TNIP3: variants seen among roughly 807,000 people sequenced by gnomAD.
TNIP3 encodes TNFAIP3 interacting protein 3, also known as TNFAIP3-interacting protein 3.
A neutral mutation model predicts 54.1 loss-of-function variants in TNIP3; 34 were observed. That is an observed-to-expected ratio of 0.63 (90% CI 0.48 to 0.84). The LOEUF (loss-of-function observed/expected upper bound fraction) is 0.84, where lower values mean the gene tolerates loss of function less well. TNIP3 is among the 40% of genes least tolerant of loss of function. TNIP3 has a pLI of 0.00. For synonymous variants in TNIP3, 134 were observed against 136.8 expected, an observed-to-expected ratio of 0.98 and a Z score of 0.14; for missense variants, 366 against 387.6, an observed-to-expected ratio of 0.94 and a Z score of 0.47.
At chr4:121,168,602 C>A (rs1028909918), upstream of TNIP3, among the ~76,000 whole-genome samples, 2 of 150,586 alleles carry the variant, frequency 1.3e-5, no homozygotes, top group African/African-American at 4.9e-5. Flanking sequence ...CTCATTGTAA[C>A]CTCCAACTCC....
intron 4 of TNIP3, among the ~76,000 whole-genome samples, chr4:121,155,965 A>G (rs1730059639): frequency 6.6e-6 from 1 of 152,246 alleles, no homozygotes; most frequent in African/African-American, 2.4e-5. Context: ...TTTCTAATTT[A>G]GCATAATTTA....
At chr4:121,150,082 A>G in intron 6 of TNIP3, 21 bp downstream of exon 6, 2 of 1,525,108 alleles carry the variant, frequency 1.3e-6, no homozygotes, top group South Asian at 1.1e-5. Context: ...CCACAGGATC[A>G]TGCCACTTCC....
At chr4:121,202,723 A>C (rs1257291637) in intron 2 of TNIP3, among the ~76,000 whole-genome samples, 1 of 152,198 alleles carries the variant, frequency 6.6e-6, no homozygotes, top group African/African-American at 2.4e-5. Context: ...AACTCAAAGA[A>C]ATCAGCAAGA....
chr4:121,152,623 A>G (rs1729828400), intron 5 of TNIP3, among the ~76,000 whole-genome samples: 1 of 152,218 alleles, frequency 6.6e-6, no homozygotes, highest in African/African-American at 2.4e-5. Flanking sequence ...TGTTCTAAGT[A>G]TTCAAGATAA....
chr4:121,218,302 A>G (rs1726886439), upstream of TNIP3, among the ~76,000 whole-genome samples: 1 of 152,170 alleles, frequency 6.6e-6, no homozygotes, highest in Non-Finnish European at 1.5e-5. Context: ...AGATTTACAA[A>G]TAATATCTTA....
intron 10 of TNIP3, among the ~76,000 whole-genome samples, chr4:121,137,010 C>T (rs926834426): frequency 3.3e-5 from 5 of 152,088 alleles, no homozygotes; most frequent in African/African-American, 1.2e-4. Context: ...AAGTCTCATA[C>T]ACTGACTACA....
chr4:121,156,599 G>A (rs1033586910), intron 4 of TNIP3, among the ~76,000 whole-genome samples: 11 of 152,242 alleles, frequency 7.2e-5, no homozygotes, highest in African/African-American at 2.6e-4. Context: ...AGATAATGAG[G>A]ACGAAGGCTT....
intron 10 of TNIP3, among the ~76,000 whole-genome samples, chr4:121,132,940 G>T (rs1398253262): frequency 1.3e-5 from 2 of 152,034 alleles, no homozygotes; most frequent in Non-Finnish European, 2.9e-5. Flanking sequence ...TCTCACTCTT[G>T]CTGGCATTTT....
upstream of TNIP3, among the ~76,000 whole-genome samples, chr4:121,164,608 G>A (rs1237880451): frequency 1.3e-5 from 2 of 152,102 alleles, no homozygotes; most frequent in South Asian, 2.1e-4. Context: ...TTGACAGCTC[G>A]GTTTCCCTAA....
rs184685580 is a variant in TNIP3, at chr4:121,192,227, C to G, written c.69-9431G>C. 6.4e-4 allele frequency among the ~76,000 whole-genome samples: 97 copies of G among 152,200 alleles called. 2 individuals are homozygous for G. Among genetic ancestry groups the G allele is most frequent in the African/African-American group, 2.1e-3 (89 of 41,520 alleles). Reference sequence around the variant, plus strand: ...GAAGCAGTTTGCCAATCTCAATCGACGCCTGAACTGTCTGTGGGTGTTAAG... The same window carrying G: ...GAAGCAGTTTGCCAATCTCAATCGAGGCCTGAACTGTCTGTGGGTGTTAAG... On this transcript the variant is annotated intron_variant, in intron 2 of 12. Coordinates refer to the TNIP3 transcript ENST00000507879.
At chr4:121,141,996 G>A in intron 8 of TNIP3, 82 bp from the exon 9 acceptor site, 1 of 895,212 alleles carries the variant, frequency 1.1e-6, no homozygotes, top group South Asian at 2.6e-5. Context: ...CAAAAGGTTT[G>A]GTTTCAATCT....
chr4:121,157,515 C>T (rs1421068187), intron 3 of TNIP3, among the ~76,000 whole-genome samples: 1 of 152,134 alleles, frequency 6.6e-6, no homozygotes, highest in African/African-American at 2.4e-5. Context: ...GGATAAAAGA[C>T]TTAGACCCCA....
At chr4:121,150,597 C>G (rs950699624) in intron 5 of TNIP3, among the ~76,000 whole-genome samples, 6 of 152,168 alleles carry the variant, frequency 3.9e-5, no homozygotes, top group African/African-American at 1.4e-4. Flanking sequence ...TCAGAGGCAG[C>G]AAATATGCCC....
chr4:121,169,362 A>G (rs2198317), intron 3 of TNIP3, among the ~76,000 whole-genome samples: 1 of 152,228 alleles, frequency 6.6e-6, no homozygotes, highest in African/African-American at 2.4e-5. Flanking sequence ...TGTAAGTGAC[A>G]TCTGTTTATT....
chr4:121,214,507 T>C (rs942586899), intron 2 of TNIP3, among the ~76,000 whole-genome samples: 3 of 152,188 alleles, frequency 2.0e-5, no homozygotes, highest in East Asian at 3.8e-4. Flanking sequence ...GAATTCTCCA[T>C]GTAGAAGGAA....
intron 2 of TNIP3, among the ~76,000 whole-genome samples, chr4:121,186,457 G>A (rs112624723): frequency 5.0e-4 from 76 of 152,276 alleles, no homozygotes; most frequent in African/African-American, 1.6e-3. Flanking sequence ...ACTTGCATAT[G>A]AACCCTCTGA....
intron 3 of TNIP3, among the ~76,000 whole-genome samples, chr4:121,182,010 G>A (rs1361840716): frequency 2.0e-5 from 3 of 152,016 alleles, no homozygotes. Context: ...TGCCAGCCAT[G>A]CTCTCAAACT....
At chr4:121,170,600 T>C (rs1731012713) in intron 3 of TNIP3, among the ~76,000 whole-genome samples, 2 of 152,054 alleles carry the variant, frequency 1.3e-5, no homozygotes, top group African/African-American at 4.8e-5. Context: ...TTACTTGATT[T>C]TGATTAATAT....
At position 121,142,828 on chromosome 4, in the gene TNIP3, T is replaced by C. The variant is rs762156471; in HGVS notation, c.736-52A>G. The C allele has an allele frequency of 7.9e-6, 12 of 1,510,090 alleles. No homozygotes were observed. The Admixed American group carries it at 2.1e-4, about 26-fold the overall frequency. 93.5% of individuals were successfully genotyped at this position (1,510,090 alleles called of 1,614,324 possible). A position where few individuals can be genotyped will look rare whatever the true frequency, so the allele number is the denominator to read the frequency against. On this transcript the variant is annotated intron_variant, in intron 7 of 10. Transcript: ENST00000057513. ...AATCAAGACAAGTTAAAATCATTAA[T>C]TCCCAAGCCACTCTTGACCTACTCA...
Sources: allele counts gnomAD v4.1 joint callset (sites outside exome capture counted in the v4.1 genomes callset), GRCh38; gene constraint gnomAD v4.1.1; transcripts MANE v1.5; gene names NCBI Gene and HGNC (gene_info 2026-07-23, HGNC 2026-07-21).